The following EXOC5 variants were observed in gnomAD, a reference collection of about 807,000 sequenced individuals.
The protein encoded by EXOC5 is exocyst complex component 5.
Under a neutral mutation model 90.8 loss-of-function variants are expected in EXOC5, and 17 were observed. The observed-to-expected ratio is 0.19, with a 90% CI of 0.13 to 0.28. The LOEUF (loss-of-function observed/expected upper bound fraction) is 0.28, where lower values mean the gene tolerates loss of function less well. Ranked by LOEUF, EXOC5 falls within the 10% of genes least tolerant of loss-of-function variation. The probability of loss-of-function intolerance (pLI) is 1.00; values close to 1 mark genes in which losing one functional copy is unlikely to be tolerated. For missense variants in EXOC5, 569 were observed against 830.6 expected (o/e 0.69, Z 3.87); for synonymous variants, 260 against 270.0 (o/e 0.96, Z 0.36).
At chr14:57,229,904 G>GA (rs757983971) in intron 11 of EXOC5, 23 bp from the exon 12 acceptor site, 118 of 1,313,242 alleles carry the variant, frequency 9.0e-5, no homozygotes, top group Non-Finnish European at 1.7e-5. Flanking sequence ...AAAGACAAAT[G>GA]AAAAAAAGAA....
intron 15 of EXOC5, among the ~76,000 whole-genome samples, chr14:57,215,343 A>C (rs1447491396): frequency 6.6e-6 from 1 of 152,182 alleles, no homozygotes; most frequent in Non-Finnish European, 1.5e-5. Context: ...CATTACAGTG[A>C]TACCAAAGCC....
In EXOC5 at chr14:57,229,850, G is replaced by A. The variant is rs567509773; in HGVS notation, c.1180C>T (p.Arg394Cys). 1.0e-4 allele frequency: 153 copies of A among 1,506,310 alleles called. No homozygotes were observed. In the Admixed American group the frequency reaches 2.2e-3, roughly 21 times the overall value. The allele number at this position is 1,506,310 out of a possible 1,614,324, so 93.3% of individuals were successfully genotyped here. The part of the protein sequence containing the change: ...IQDLKERIRQ[R>C]TNLPLGPSID... The stretch of plus-strand genomic sequence containing the variant: ...CTTGGCCCAAGTGGTAAGTTGGTAC[G>A]CTGTCTAATTCTTTCCTTCAAATCT... Residue 394 changes from arginine (R) to cysteine (C), a missense_variant, in exon 12 of 18, where the codon CGT becomes TGT. Transcript: ENST00000621441.
chr14:57,266,403 A>G (rs1476333576), intron 1 of EXOC5, among the ~76,000 whole-genome samples: 1 of 152,206 alleles, frequency 6.6e-6, no homozygotes, highest in African/African-American at 2.4e-5. Flanking sequence ...TCAAGAGTAG[A>G]GTCCACTGTA....
chr14:57,246,296 G>C (rs1036387391), intron 3 of EXOC5, among the ~76,000 whole-genome samples: 11 of 152,246 alleles, frequency 7.2e-5, no homozygotes, highest in African/African-American at 2.6e-4. Flanking sequence ...GTTTTCTCAA[G>C]GGAAAACCTA....
chr14:57,246,042 T>C (rs897941531), intron 3 of EXOC5, among the ~76,000 whole-genome samples: 5 of 151,142 alleles, frequency 3.3e-5, no homozygotes, highest in Non-Finnish European at 5.9e-5. Flanking sequence ...AGAGTAAAAC[T>C]CTGTCTTAAA....
intron 7 of EXOC5, among the ~76,000 whole-genome samples, chr14:57,234,537 GTATA>G (rs1207873435): frequency 2.8e-5 from 4 of 141,162 alleles, no homozygotes; most frequent in South Asian, 2.3e-4. Flanking sequence ...GTGTGTGTGT[GTATA>G]TATATATATA....
intron 12 of EXOC5, among the ~76,000 whole-genome samples, chr14:57,226,083 C>T (rs1883298866): frequency 6.6e-6 from 1 of 152,152 alleles, no homozygotes; most frequent in Non-Finnish European, 1.5e-5. Context: ...CTCAGGTGAG[C>T]TGAGGGATGA....
intron 17 of EXOC5, among the ~76,000 whole-genome samples, 166 bp downstream of exon 17, chr14:57,209,398 AAAT>A (rs1882758660): frequency 1.3e-5 from 2 of 152,008 alleles, no homozygotes; most frequent in Admixed American, 1.3e-4. Flanking sequence ...AAATAAAAAA[AAAT>A]AATAATTGGA....
At position 57,204,785 on chromosome 14, in the gene EXOC5, T is replaced by C. The variant is rs977857012; in HGVS notation, c.*3824A>G. On this transcript the variant is annotated 3_prime_UTR_variant, in exon 18 of 18. Coordinates refer to ENST00000621441, the MANE Select transcript of EXOC5 (RefSeq NM_006544.4). ...TTTAAAAAATCAAATTTAAAAAGTA[T>C]GACCATACATTGAACATATTAAGAA... 2.6e-4 allele frequency: 40 copies of C among 152,586 alleles called. No homozygotes were observed. The highest frequency in any genetic ancestry group is 9.4e-4 in the African/African-American group (39 of 41,570). 9.5% of individuals were successfully genotyped at this position (152,586 alleles called of 1,614,324 possible).
intron 17 of EXOC5, 94 bp downstream of exon 17, chr14:57,209,473 A>C: frequency 1.5e-6 from 1 of 661,408 alleles, no homozygotes; most frequent in South Asian, 2.1e-5. Flanking sequence ...AAAGTTATAA[A>C]CCTTTCACTA....
chr14:57,230,847 C>A (rs1883461043), intron 11 of EXOC5, among the ~76,000 whole-genome samples: 2 of 151,392 alleles, frequency 1.3e-5, no homozygotes, highest in Non-Finnish European at 1.5e-5. Flanking sequence ...TTTTTTCACA[C>A]CTGCAACAGT....
At chr14:57,233,952 T>C in intron 8 of EXOC5, 36 bp downstream of exon 8, 1 of 1,592,722 alleles carries the variant, frequency 6.3e-7, no homozygotes, top group East Asian at 2.2e-5. Flanking sequence ...ACAATTAGCA[T>C]AAAATAATAT....
chr14:57,234,398 AAC>A (rs1883587012), intron 7 of EXOC5, among the ~76,000 whole-genome samples: 1 of 150,912 alleles, frequency 6.6e-6, no homozygotes, highest in South Asian at 2.1e-4. Context: ...CATACACACA[AAC>A]ACACACATAC....
In EXOC5 at chr14:57,205,617, A is replaced by G. The variant is rs1390575327; in HGVS notation, c.*2992T>C. The G allele has an allele frequency of 6.1e-6, 2 of 327,870 alleles. No homozygotes were observed. The highest frequency in any genetic ancestry group is 1.2e-5 in the Non-Finnish European group (2 of 172,130). The allele number at this position is 327,870 out of a possible 1,614,324, so 20.3% of individuals were successfully genotyped here. A position where few individuals can be genotyped will look rare whatever the true frequency, so the allele number is the denominator to read the frequency against. ...CTTGTAAATATTCACCATTACAGGT[A>G]AGAAAAACGCATTTTAGGGAAGCAG... On this transcript the variant is annotated 3_prime_UTR_variant, in exon 18 of 18. Coordinates refer to ENST00000621441, the MANE Select transcript of EXOC5 (RefSeq NM_006544.4).
chr14:57,248,783 AT>A (rs1884102005), intron 1 of EXOC5, among the ~76,000 whole-genome samples: 1 of 152,112 alleles, frequency 6.6e-6, no homozygotes, highest in African/African-American at 2.4e-5. Flanking sequence ...AAGTGCTGAC[AT>A]GTTTGAGAAT....
At chr14:57,250,663 G>GTCTACA in intron 1 of EXOC5, among the ~76,000 whole-genome samples, 2 of 151,970 alleles carry the variant, frequency 1.3e-5, no homozygotes, top group African/African-American at 4.8e-5. Flanking sequence ...CATACCTAGT[G>GTCTACA]GTCATTTCTG....
intron 1 of EXOC5, among the ~76,000 whole-genome samples, chr14:57,258,005 G>A (rs1884400194): frequency 6.6e-6 from 1 of 152,170 alleles, no homozygotes; most frequent in Admixed American, 6.5e-5. Context: ...TATGCACTAA[G>A]ATACTACCAT....
Position 57,217,919 on chromosome 14 carries a change from TGC to T in EXOC5, c.1613+61_1613+62del, listed in dbSNP as rs552843192. 7.0e-4 allele frequency: 560 copies of T among 795,260 alleles called. 2 individuals are homozygous for T. In the African/African-American group the frequency reaches 8.1e-3, roughly 12 times the overall value. The allele number at this position is 795,260 out of a possible 1,614,324, so 49.3% of individuals were successfully genotyped here. On this transcript the variant is annotated intron_variant, in intron 15 of 17. Coordinates refer to ENST00000621441, the MANE Select transcript of EXOC5 (RefSeq NM_006544.4). ...TTTTCTTCTCTACAAAGTATTTTCA[TGC>T]TGCTATAATATGGTGTTTTTATAAT...
chr14:57,241,888 C>T (rs1883870707), intron 4 of EXOC5, among the ~76,000 whole-genome samples: 1 of 152,048 alleles, frequency 6.6e-6, no homozygotes, highest in South Asian at 2.1e-4. Flanking sequence ...AATCCCAGCA[C>T]TTTGGGAGGC....
Sources: gnomAD v4.1 joint callset for allele counts (sites outside exome capture counted in the v4.1 genomes callset) on GRCh38, gnomAD v4.1.1 for gene constraint, MANE v1.5 for transcripts, NCBI Gene and HGNC (gene_info 2026-07-23, HGNC 2026-07-21) for gene names.